CAPN1: variants seen among roughly 807,000 people sequenced by gnomAD.
The protein encoded by CAPN1 is calpain-1 catalytic subunit.
CAPN1 carries 77 observed loss-of-function variants against 105.2 expected under a neutral mutation model. That is an observed-to-expected ratio of 0.73 (90% confidence interval 0.61 to 0.88). CAPN1 has a LOEUF of 0.88. Ranked by LOEUF, CAPN1 falls within the 40% of genes least tolerant of loss-of-function variation. The pLI, the probability that CAPN1 is intolerant of heterozygous loss-of-function variation, is 0.00. For missense variants in CAPN1, 833 were observed against 976.6 expected (o/e 0.85, Z 1.96); for synonymous variants, 355 against 388.8 (o/e 0.91, Z 1.02).
intron 10 of CAPN1, among the ~76,000 whole-genome samples, chr11:65,198,592 C>G (rs879610228): frequency 6.6e-6 from 1 of 152,116 alleles, no homozygotes; most frequent in Non-Finnish European, 1.5e-5. Flanking sequence ...TAAACATCAT[C>G]ATGATTTGAG....
At position 65,206,636 on chromosome 11, in the gene CAPN1, C is replaced by T. The variant is rs559519689; in HGVS notation, c.1527C>T (p.Phe509=). ...TCGAGCCCAACAAGGAGGGCGACTTCGTGCTGCGCTTCTTCTCAGAGAAGA... is the reference window on the plus strand; with the variant it reads ...TCGAGCCCAACAAGGAGGGCGACTTTGTGCTGCGCTTCTTCTCAGAGAAGA... ...STFEPNKEGD[F]VLRFFSEKSA... is the part of the protein sequence containing the mutation. The change falls in exon 13 of 22, where the codon TTC becomes TTT. Residue 509 remains phenylalanine, a synonymous_variant. Transcript: ENST00000279247. 72 of 1,613,292 alleles carry T rather than the reference C, an allele frequency of 4.5e-5. No individual in the cohort carries two copies. The highest frequency in any genetic ancestry group is 1.6e-4 in the Middle Eastern group (1 of 6,084).
intron 10 of CAPN1, among the ~76,000 whole-genome samples, chr11:65,200,830 G>C (rs1332687902): frequency 6.7e-6 from 1 of 149,574 alleles, no homozygotes; most frequent in Admixed American, 6.7e-5. Flanking sequence ...ATGGGGTCTT[G>C]CTAGGTTGGC....
chr11:65,195,592 C>G (rs1010527713), intron 10 of CAPN1, among the ~76,000 whole-genome samples: 5 of 152,136 alleles, frequency 3.3e-5, no homozygotes, highest in Non-Finnish European at 7.4e-5. Flanking sequence ...CCCACTTCAT[C>G]ATGGTGTATA....
rs368184932 is a variant in CAPN1, at chr11:65,183,533, C to G, written c.397C>G (p.Arg133Gly). 8.7e-6 allele frequency: 14 copies of G among 1,613,824 alleles called. No homozygotes were observed. Among genetic ancestry groups the G allele is most frequent in the African/African-American group, 2.7e-5 (2 of 74,930 alleles). ...SLTLNDTLLH[R>G]VVPHGQSFQN... ...CACTCTCAACGACACCCTCCTGCAC[C>G]GAGTGGTTCCGCACGGCCAGAGCTT... Residue 133 changes from arginine (R) to glycine (G), a missense_variant, in exon 4 of 22, where the codon CGA becomes GGA. Transcript: ENST00000279247.
At chr11:65,181,703 G>T (rs1332766139), upstream of CAPN1, 4 of 273,150 alleles carry the variant, frequency 1.5e-5, no homozygotes, top group Non-Finnish European at 2.2e-5. The surrounding 1 kb of genome is among the most constrained non-coding windows in gnomAD (Gnocchi z 4.6). Context: ...GCCCCTCCCC[G>T]GGGACTGCTC....
chr11:65,206,662 G>T lies in CAPN1; in HGVS notation c.1553G>T (p.Ser518Ile). The change falls in exon 13 of 22, where the codon AGT (serine) becomes ATT (isoleucine). Residue 518 changes from serine to isoleucine, a missense_variant. By Grantham distance (142) the Ser-to-Ile change is moderately radical (BLOSUM62 -2). Transcript: ENST00000279247. ...DFVLRFFSEK[S>I]AGTVELDDQI... ...GTGCTGCGCTTCTTCTCAGAGAAGA[G>T]TGCTGGGACTGTGTGAGTCATGGAC... The T allele has an allele frequency of 6.2e-7, 1 of 1,613,314 alleles. No individual in the cohort carries two copies. The highest frequency in any genetic ancestry group is 8.5e-7 in the Non-Finnish European group (1 of 1,179,848).
upstream of CAPN1, chr11:65,181,384 T>C (rs375216782): frequency 6.3e-5 from 17 of 267,980 alleles, no homozygotes; most frequent in African/African-American, 2.6e-4. This position sits in a 1 kb window ranked among gnomAD's most constrained non-coding sequence, Gnocchi z 4.6. Context: ...GCCCGGCCCC[T>C]CCTCAGAGCA....
At chr11:65,185,501 T>C (rs1433618401) in intron 4 of CAPN1, among the ~76,000 whole-genome samples, 6 of 151,926 alleles carry the variant, frequency 3.9e-5, no homozygotes, top group African/African-American at 1.5e-4. Context: ...AGATTTTCTC[T>C]ACAGATGCAA....
At chr11:65,203,565 G>A (rs1948904211) in intron 10 of CAPN1, 1 of 152,300 alleles carries the variant, frequency 6.6e-6, no homozygotes, top group Admixed American at 6.5e-5. Context: ...TCACCATATT[G>A]TCCAGGCTGG....
intron 10 of CAPN1, among the ~76,000 whole-genome samples, chr11:65,195,112 T>G (rs925318808): frequency 1.2e-4 from 18 of 144,298 alleles, no homozygotes; most frequent in South Asian, 2.2e-4. Flanking sequence ...TTTTTTTTTT[T>G]TTTTTTTTTT....
Position 65,188,284 on chromosome 11 carries a change from C to T in CAPN1, c.930-130C>T, listed in dbSNP as rs919335740. The T allele has an allele frequency of 4.9e-6, 4 of 819,716 alleles. No individual in the cohort carries two copies. The highest frequency in any genetic ancestry group is 7.7e-6 in the Non-Finnish European group (4 of 517,194). 50.8% of individuals were successfully genotyped at this position (819,716 alleles called of 1,614,324 possible). On this transcript the variant is annotated intron_variant, in intron 8 of 21. Transcript: ENST00000279247. The surrounding 1 kb of genome is among the most constrained non-coding windows in gnomAD (Gnocchi z 5.5). ...TGAGACCACCCCCTAGAAGCGGAAC[C>T]TTGGCGCTTGACCTTGAGGAGGCCA...
At position 65,211,858 on chromosome 11, in the gene CAPN1, CT is replaced by C. The variant is rs1949056225; in HGVS notation, c.*578del. 1.3e-5 allele frequency: 2 copies of C among 158,176 alleles called. No individual in the cohort carries two copies. Among genetic ancestry groups the C allele is most frequent in the African/African-American group, 2.4e-5 (1 of 41,630 alleles). 9.8% of individuals were successfully genotyped at this position (158,176 alleles called of 1,614,324 possible). A position where few individuals can be genotyped will look rare whatever the true frequency, so the allele number is the denominator to read the frequency against. On this transcript the variant is annotated 3_prime_UTR_variant, in exon 22 of 22. Transcript: ENST00000279247. The stretch of plus-strand genomic sequence containing the variant: ...GCGGTCGGCCTTCCCTCCTTCGCTC[CT>C]TTTTTATATTAGTGATTTTAAAGGG...
At chr11:65,195,110 T>TG (rs1439767021) in intron 10 of CAPN1, among the ~76,000 whole-genome samples, 59 of 129,524 alleles carry the variant, frequency 4.6e-4, no homozygotes, top group African/African-American at 9.0e-4. Flanking sequence ...GTTTTTTTTT[T>TG]TTTTTTTTTT....
chr11:65,206,581 C>T lies in CAPN1; in HGVS notation c.1472C>T (p.Pro491Leu). The change falls in exon 13 of 22, where the codon CCC (proline) becomes CTC (leucine). Residue 491 changes from proline (P) to leucine (L), a missense_variant. Physicochemically the swap from Pro to Leu is moderately conservative, Grantham distance 98. Coordinates refer to ENST00000279247, the MANE Select transcript of CAPN1 (RefSeq NM_005186.4). Reference sequence around the variant, plus strand: ...GTCAGCACCCGCTTCCGCCTGCCACCCGGGGAGTATGTGGTGGTGCCCTCC... The same window carrying T: ...GTCAGCACCCGCTTCCGCCTGCCACTCGGGGAGTATGTGGTGGTGCCCTCC... ...REVSTRFRLP[P>L]GEYVVVPSTF... 1 of 1,613,474 alleles carries T rather than the reference C, an allele frequency of 6.2e-7. No individual in the cohort carries two copies. The highest frequency in any genetic ancestry group is 8.5e-7 in the Non-Finnish European group (1 of 1,179,872).
chr11:65,196,416 A>G (rs1001778560), intron 10 of CAPN1, among the ~76,000 whole-genome samples: 2 of 152,056 alleles, frequency 1.3e-5, no homozygotes, highest in Admixed American at 1.3e-4. Context: ...TTGATAACGT[A>G]TACAATGTGT....
In CAPN1 at chr11:65,208,220, G is replaced by A. The variant is rs367715816; in HGVS notation, c.1687G>A (p.Val563Met). The A allele has an allele frequency of 3.3e-5, 52 of 1,579,202 alleles. No homozygotes were observed. Among genetic ancestry groups the A allele is most frequent in the African/African-American group, 8.1e-5 (6 of 74,130 alleles). The part of the protein sequence containing the change: ...QLAGEDMEIS[V>M]KELRTILNRI... ...CTCTCCCCAGGACATGGAGATCAGC[G>A]TGAAGGAGTTGCGGACAATCCTCAA... Residue 563 changes from valine (V) to methionine (M), a missense_variant, in exon 16 of 22, where the codon GTG becomes ATG. Transcript: ENST00000279247. This position sits in a 1 kb window ranked among gnomAD's most constrained non-coding sequence, Gnocchi z 4.1.
At chr11:65,205,878 C>A in intron 12 of CAPN1, 157 bp downstream of exon 12, 1 of 704,516 alleles carries the variant, frequency 1.4e-6, no homozygotes, top group Non-Finnish European at 2.6e-6. Context: ...GTGGGCAGAG[C>A]AAACATTGCT....
intron 4 of CAPN1, among the ~76,000 whole-genome samples, chr11:65,184,490 G>GT (rs1948603521): frequency 3.4e-5 from 1 of 29,038 alleles, no homozygotes; most frequent in African/African-American, 1.3e-4. Flanking sequence ...CCCGCCCCCC[G>GT]TTGTCCTGGC....
upstream of CAPN1, chr11:65,181,461 G>A (rs17881576): frequency 1.6e-3 from 358 of 230,436 alleles, 11 homozygotes; most frequent in East Asian, 0.05. The surrounding 1 kb of genome is among the most constrained non-coding windows in gnomAD (Gnocchi z 4.6). Context: ...GAGCAGCTGC[G>A]GTCGCGCGGA....
Sources: allele counts gnomAD v4.1 joint callset (sites outside exome capture counted in the v4.1 genomes callset), GRCh38; gene constraint gnomAD v4.1.1; non-coding constraint Gnocchi (gnomAD v3.1); transcripts MANE v1.5; gene names NCBI Gene and HGNC (gene_info 2026-07-23, HGNC 2026-07-21).